RFTN1: variants seen among roughly 807,000 people sequenced by gnomAD.
RFTN1 encodes raftlin, lipid raft linker 1, also known as raftlin.
A neutral mutation model predicts 46.5 loss-of-function variants in RFTN1; 26 were observed. That is an observed-to-expected ratio of 0.56 (90% CI 0.41 to 0.78). The LOEUF (loss-of-function observed/expected upper bound fraction) is 0.78. Among genes scored for constraint, RFTN1 ranks in the 30% least tolerant of loss-of-function variants. RFTN1 has a pLI of 0.00. For missense variants in RFTN1, 693 were observed against 718.7 expected (o/e 0.96, Z 0.41); for synonymous variants, 261 against 284.2 (o/e 0.92, Z 0.82).
In RFTN1 at chr3:16,504,372, G is replaced by T. The variant is rs555426624; in HGVS notation, c.-9+9070C>A. ...CTGAACACCACCACCCTCATTTTCA[G>T]TTCCACACTGATTTTCTTAGCAACT... is the stretch of plus-strand genomic sequence containing the variant. On this transcript the variant is annotated intron_variant, in intron 1 of 9. Coordinates refer to ENST00000334133, the MANE Select transcript of RFTN1 (RefSeq NM_015150.2). The surrounding 1 kb of genome is among the most constrained non-coding windows in gnomAD (Gnocchi z 4.4). Among the ~76,000 whole-genome samples, 3 of 152,288 alleles carry T rather than the reference G, an allele frequency of 2.0e-5. No individual in the cohort carries two copies. In the East Asian group the frequency reaches 5.8e-4, roughly 29 times the overall value.
At position 16,513,632 on chromosome 3, in the gene RFTN1, T is replaced by C. The variant is rs2125022673; in HGVS notation, c.-199A>G. 6.6e-6 allele frequency: 1 copy of C among 151,512 alleles called. No individual in the cohort carries two copies. Among genetic ancestry groups the C allele is most frequent in the Non-Finnish European group, 1.5e-5 (1 of 67,612 alleles). 9.4% of individuals were successfully genotyped at this position (151,512 alleles called of 1,614,324 possible). ...CTCCGGCGATCGGTGCGTCTGTCCC[T>C]CGCCGGAGCCCGCGGCCGCCGCGCT... On this transcript the variant is annotated 5_prime_UTR_variant, in exon 1 of 10. Transcript: ENST00000334133. The surrounding 1 kb of genome is among the most constrained non-coding windows in gnomAD (Gnocchi z 5.4).
rs1297695131 is a variant in RFTN1 at position 16,465,463 on chromosome 3, C to T, written c.145+28262G>A. On this transcript the variant is annotated intron_variant, in intron 2 of 9. Coordinates refer to ENST00000334133, the MANE Select transcript of RFTN1 (RefSeq NM_015150.2). This position sits in a 1 kb window ranked among gnomAD's most constrained non-coding sequence, Gnocchi z 5.1. ...ACACACACACACACACACCCCATGC[C>T]TGATTAAACAAAATAATTTTTAAAA... is the stretch of plus-strand genomic sequence containing the variant. 6.6e-6 allele frequency among the ~76,000 whole-genome samples: 1 copy of T among 150,906 alleles called. No individual in the cohort carries two copies. Among genetic ancestry groups the T allele is most frequent in the East Asian group, 2.0e-4 (1 of 5,124 alleles).
In RFTN1 at chr3:16,433,788, C is replaced by T. The variant is rs568205691; in HGVS notation, c.332+63G>A. The T allele has an allele frequency of 1.4e-3, 2,209 of 1,549,240 alleles. 9 individuals carry two copies. In the Middle Eastern group the frequency reaches 0.025, roughly 17 times the overall value. On this transcript the variant is annotated intron_variant, in intron 3 of 9. Transcript: ENST00000334133. The surrounding 1 kb of genome is among the most constrained non-coding windows in gnomAD (Gnocchi z 4.4). Reference sequence around the variant, plus strand: ...CCCCAACCCCATCCTCTCACTTCCCCTCCTCTATTGAGCATAACTTAGCCG... The same window carrying T: ...CCCCAACCCCATCCTCTCACTTCCCTTCCTCTATTGAGCATAACTTAGCCG...
At chr3:16,411,322 T>C (rs186470736) in intron 3 of RFTN1, among the ~76,000 whole-genome samples, 17 of 152,346 alleles carry the variant, frequency 1.1e-4, no homozygotes, top group Admixed American at 6.5e-4. Flanking sequence ...TCTGCTACCA[T>C]TAACCATCTG....
chr3:16,336,168 G>A lies in RFTN1; in HGVS notation c.1147-9292C>T, dbSNP rs1020588054. On this transcript the variant is annotated intron_variant, in intron 7 of 9. Transcript: ENST00000334133. The surrounding 1 kb of genome is among the most constrained non-coding windows in gnomAD (Gnocchi z 6.0). ...TGGAAGGCAGATGCTGGAACACGGC[G>A]GGCAGTGTTGCAGAAAACTCCACGT... 7.2e-5 allele frequency among the ~76,000 whole-genome samples: 11 copies of A among 152,232 alleles called. No individual in the cohort carries two copies. The highest frequency in any genetic ancestry group is 2.1e-4 in the South Asian group (1 of 4,830).
At chr3:16,360,360 C>T (rs889611488) in intron 6 of RFTN1, among the ~76,000 whole-genome samples, 3 of 152,058 alleles carry the variant, frequency 2.0e-5, no homozygotes, top group Admixed American at 6.6e-5. Context: ...TGTAGAGATG[C>T]GGTCTCACTA....
At chr3:16,347,068 C>G (rs1443725298) in intron 7 of RFTN1, among the ~76,000 whole-genome samples, 1 of 152,200 alleles carries the variant, frequency 6.6e-6, no homozygotes, top group Non-Finnish European at 1.5e-5. Flanking sequence ...TTCTATTTCC[C>G]TGGGCTTCTG....
intron 2 of RFTN1, among the ~76,000 whole-genome samples, chr3:16,461,940 T>C (rs1402699990): frequency 6.6e-6 from 1 of 152,228 alleles, no homozygotes; most frequent in Non-Finnish European, 1.5e-5. Flanking sequence ...TGAGGTTTTC[T>C]TTTCTGACAA....
At position 16,388,000 on chromosome 3, in the gene RFTN1, T is replaced by C. The variant is rs533784845; in HGVS notation, c.442-9898A>G. ...CTGGTATCTGAAAGATGTGAGCCAG[T>C]TAAGGCTGCTCGTTTTAACTCTCCA... On this transcript the variant is annotated intron_variant, in intron 4 of 9. Transcript: ENST00000334133. This position sits in a 1 kb window ranked among gnomAD's most constrained non-coding sequence, Gnocchi z 5.2. Among the ~76,000 whole-genome samples the C allele has an allele frequency of 2.0e-4, 30 of 152,302 alleles. No homozygotes were observed. Among genetic ancestry groups the C allele is most frequent in the African/African-American group, 6.5e-4 (27 of 41,570 alleles).
intron 6 of RFTN1, among the ~76,000 whole-genome samples, chr3:16,365,167 G>A (rs1197974129): frequency 6.9e-6 from 1 of 145,412 alleles, no homozygotes; most frequent in Non-Finnish European, 1.6e-5. Context: ...AGACATTCCT[G>A]GAGGTGGGTG....
chr3:16,416,703 T>C (rs2075087736), intron 3 of RFTN1, among the ~76,000 whole-genome samples: 1 of 152,118 alleles, frequency 6.6e-6, no homozygotes, highest in South Asian at 2.1e-4. Flanking sequence ...ATAGAAAGAA[T>C]GACTTATAAA....
In RFTN1 at chr3:16,489,084, T is replaced by C. The variant is rs1477637420; in HGVS notation, c.145+4641A>G. On this transcript the variant is annotated intron_variant, in intron 2 of 9. Transcript: ENST00000334133. The surrounding 1 kb of genome is among the most constrained non-coding windows in gnomAD (Gnocchi z 4.0). Reference sequence around the variant, plus strand: ...GAGCTAGGTTTTGAAAAAGAGTACGTACTATTTGATTCCATTTATATAACA... The same window carrying C: ...GAGCTAGGTTTTGAAAAAGAGTACGCACTATTTGATTCCATTTATATAACA... 6.6e-6 allele frequency among the ~76,000 whole-genome samples: 1 copy of C among 152,190 alleles called. No homozygotes were observed. Among genetic ancestry groups the C allele is most frequent in the Non-Finnish European group, 1.5e-5 (1 of 68,036 alleles).
intron 6 of RFTN1, among the ~76,000 whole-genome samples, chr3:16,364,958 C>T (rs1184010379): frequency 6.6e-6 from 1 of 152,204 alleles, no homozygotes; most frequent in African/African-American, 2.4e-5. Context: ...CATGGGTGTG[C>T]TCACCTTGTG....
Position 16,341,861 on chromosome 3 carries a change from C to T in RFTN1, c.1147-14985G>A. Among the ~76,000 whole-genome samples, 1 of 152,078 alleles carries T rather than the reference C, an allele frequency of 6.6e-6. No individual in the cohort carries two copies. The highest frequency in any genetic ancestry group is 1.5e-5 in the Non-Finnish European group (1 of 68,014). On this transcript the variant is annotated intron_variant, in intron 7 of 9. Transcript: ENST00000334133. The surrounding 1 kb of genome is among the most constrained non-coding windows in gnomAD (Gnocchi z 4.7). The stretch of plus-strand genomic sequence containing the variant: ...GTATAACAGTTTGAAGAGTATGATA[C>T]CATTTTTGTAAAAAATATGCAAATA...
At position 16,338,266 on chromosome 3, in the gene RFTN1, T is replaced by A. The variant is rs982478514; in HGVS notation, c.1147-11390A>T. Among the ~76,000 whole-genome samples the A allele has an allele frequency of 5.3e-5, 8 of 152,152 alleles. No homozygotes were observed. The highest frequency in any genetic ancestry group is 1.9e-4 in the African/African-American group (8 of 41,434). The stretch of plus-strand genomic sequence containing the variant: ...CCCACACACACCTGCATGAGCAGAA[T>A]GAGAACCAGGCAAGGCATGCAACCA... On this transcript the variant is annotated intron_variant, in intron 7 of 9. Coordinates refer to ENST00000334133, the MANE Select transcript of RFTN1 (RefSeq NM_015150.2). This position sits in a 1 kb window ranked among gnomAD's most constrained non-coding sequence, Gnocchi z 5.3.
chr3:16,461,655 A>T (rs1391708205), intron 2 of RFTN1, among the ~76,000 whole-genome samples: 2 of 152,212 alleles, frequency 1.3e-5, no homozygotes, highest in East Asian at 3.8e-4. Context: ...AGACCAAATT[A>T]CCTAGCTACT....
intron 3 of RFTN1, among the ~76,000 whole-genome samples, chr3:16,416,509 A>G (rs1314981804): frequency 6.6e-6 from 1 of 152,228 alleles, no homozygotes; most frequent in Non-Finnish European, 1.5e-5. Context: ...CAAACATAGT[A>G]TGGTAATGTA....
intron 3 of RFTN1, among the ~76,000 whole-genome samples, chr3:16,412,221 T>C (rs1409817380): frequency 2.0e-5 from 3 of 152,218 alleles, no homozygotes; most frequent in African/African-American, 7.2e-5. Context: ...GAGCAAGTAA[T>C]AGGCGTTCTC....
chr3:16,493,845 C>T lies in RFTN1; in HGVS notation c.25G>A (p.Glu9Lys). 5 of 1,614,192 alleles carry T rather than the reference C, an allele frequency of 3.1e-6. No individual in the cohort carries two copies. The highest frequency in any genetic ancestry group is 2.2e-5 in the South Asian group (2 of 91,080). Residue 9 changes from glutamate to lysine, a missense_variant, in exon 2 of 10, where the codon GAG becomes AAG. Physicochemically the swap from Glu to Lys is moderately conservative, Grantham distance 56. Transcript: ENST00000334133. MGCGLNKL[E>K]KRDEKRPGNI... The stretch of plus-strand genomic sequence containing the variant: ...CCAGGCCGTTTTTCATCACGTTTCT[C>T]TAACTTGTTCAATCCGCAACCCATT...
Sources: gnomAD v4.1 joint callset for allele counts (sites outside exome capture counted in the v4.1 genomes callset) on GRCh38, gnomAD v4.1.1 for gene constraint, Gnocchi (gnomAD v3.1) non-coding constraint, MANE v1.5 for transcripts, NCBI Gene and HGNC (gene_info 2026-07-23, HGNC 2026-07-21) for gene names.